The following LCOR variants were observed in gnomAD, a reference collection of about 807,000 sequenced individuals.
LCOR encodes ligand-dependent corepressor.
In LCOR, 14 loss-of-function variants were observed where a neutral mutation model predicts 64.4. The observed-to-expected ratio is 0.22, with a 90% confidence interval of 0.14 to 0.34. LCOR has a LOEUF of 0.34. LCOR is among the 10% of genes least tolerant of loss of function. The pLI, the probability that LCOR is intolerant of heterozygous loss-of-function variation, is 1.00. For synonymous variants in LCOR, 643 were observed against 642.5 expected (o/e 1.00, Z -0.01); for missense variants, 1,686 against 1,765.3 (o/e 0.96, Z 0.80).
intron 7 of LCOR, chr10:96,960,076 T>G (rs1333788510): frequency 6.6e-6 from 1 of 152,324 alleles, no homozygotes. Flanking sequence ...AGAAGTTTAG[T>G]TCCCAAGTTT....
intron 2 of LCOR, among the ~76,000 whole-genome samples, chr10:96,834,115 T>G (rs1845398695): frequency 6.6e-6 from 1 of 152,226 alleles, no homozygotes; most frequent in South Asian, 2.1e-4. Context: ...TTAAAGAATA[T>G]ACGCCTTTCC....
Position 96,882,300 on chromosome 10 carries a change from G to A in LCOR, c.-329-24965G>A, listed in dbSNP as rs575592818. ...GCATATGTTATTTTGGTTGAAGTATGTCACGAAAATCCAGCCTGATACAGA... is the reference window on the plus strand; with the variant it reads ...GCATATGTTATTTTGGTTGAAGTATATCACGAAAATCCAGCCTGATACAGA... On this transcript the variant is annotated intron_variant, in intron 2 of 7. Transcript: ENST00000421806. Among the ~76,000 whole-genome samples, 4 of 152,310 alleles carry A rather than the reference G, an allele frequency of 2.6e-5. No homozygotes were observed. In the South Asian group the frequency reaches 8.3e-4, roughly 32 times the overall value.
At chr10:96,944,318 T>G (rs1409556203) in intron 5 of LCOR, 73 bp downstream of exon 5, 2 of 833,386 alleles carry the variant, frequency 2.4e-6, no homozygotes, top group Non-Finnish European at 2.9e-6. Flanking sequence ...TCATTGTCAT[T>G]TTTAAAGTTA....
chr10:96,868,278 CT>C (rs528398644), intron 2 of LCOR, among the ~76,000 whole-genome samples: 316 of 136,552 alleles, frequency 2.3e-3, no homozygotes, highest in African/African-American at 3.6e-3. Flanking sequence ...CTTTTCTTTT[CT>C]TTTTTTTTTT....
intron 7 of LCOR, chr10:96,957,401 G>A: frequency 2.0e-6 from 2 of 985,142 alleles, no homozygotes; most frequent in Non-Finnish European, 2.4e-6. Context: ...ATTTTCTGCG[G>A]TTTTTGCAAG....
chr10:96,846,938 G>C (rs1845639514), intron 2 of LCOR, among the ~76,000 whole-genome samples: 1 of 152,154 alleles, frequency 6.6e-6, no homozygotes, highest in African/African-American at 2.4e-5. Context: ...AGGTATGTAA[G>C]TGGATAAATG....
chr10:96,940,232 A>G (rs1354294584), intron 4 of LCOR, among the ~76,000 whole-genome samples: 3 of 151,838 alleles, frequency 2.0e-5, no homozygotes, highest in African/African-American at 7.3e-5. Context: ...AGCTTTCCTC[A>G]AAATAGTTAA....
At chr10:96,838,062 A>G (rs1355721644) in intron 2 of LCOR, among the ~76,000 whole-genome samples, 1 of 152,216 alleles carries the variant, frequency 6.6e-6, no homozygotes, top group Non-Finnish European at 1.5e-5. Flanking sequence ...ACTATTCTAT[A>G]CACTTGCACA....
rs375761540 is a variant in LCOR at position 96,910,973 on chromosome 10, T to G, written c.-184+3226T>G. 2.6e-5 allele frequency among the ~76,000 whole-genome samples: 4 copies of G among 152,326 alleles called. No individual in the cohort carries two copies. In the East Asian group the frequency reaches 5.8e-4, roughly 22 times the overall value. Reference sequence around the variant, plus strand: ...GTAGAACAGGGATTCACCTAGAGATTAGTAAAAATTTTTGAACTGCACTTC... The same window carrying G: ...GTAGAACAGGGATTCACCTAGAGATGAGTAAAAATTTTTGAACTGCACTTC... On this transcript the variant is annotated intron_variant, in intron 4 of 7. Coordinates refer to ENST00000421806, the MANE Select transcript of LCOR (RefSeq NM_001346516.2).
chr10:96,942,478 C>T (rs955180602), intron 4 of LCOR, among the ~76,000 whole-genome samples: 3 of 83,324 alleles, frequency 3.6e-5, no homozygotes, highest in East Asian at 3.9e-4. Context: ...GGAGAGGGAG[C>T]GGTCATGATT....
intron 2 of LCOR, among the ~76,000 whole-genome samples, chr10:96,849,410 A>G (rs912643818): frequency 2.0e-5 from 3 of 151,968 alleles, no homozygotes; most frequent in Non-Finnish European, 4.4e-5. Flanking sequence ...GGTTTTTGCC[A>G]TGTCACCCAG....
chr10:96,911,093 C>CTTTTTT (rs71007308), intron 4 of LCOR, among the ~76,000 whole-genome samples: 2 of 114,170 alleles, frequency 1.8e-5, no homozygotes, highest in African/African-American at 3.6e-5. Context: ...TACATGTTCC[C>CTTTTTT]TTTTTTTTTT....
intron 2 of LCOR, among the ~76,000 whole-genome samples, chr10:96,887,259 A>C (rs1329934177): frequency 6.6e-6 from 1 of 152,142 alleles, no homozygotes; most frequent in Non-Finnish European, 1.5e-5. Flanking sequence ...GAATGCCCAC[A>C]ATGAAACAGT....
At chr10:96,895,554 A>G (rs1846522304) in intron 2 of LCOR, among the ~76,000 whole-genome samples, 1 of 152,234 alleles carries the variant, frequency 6.6e-6, no homozygotes, top group South Asian at 2.1e-4. Context: ...CTACCCAGAT[A>G]TAAAACTTAA....
chr10:96,981,922 A>G lies in LCOR; in HGVS notation c.1462A>G (p.Lys488Glu). The change falls in exon 8 of 8, where the codon AAA (lysine) becomes GAA (glutamate). Residue 488 changes from lysine (K) to glutamate (E), a missense_variant. Lys to Glu is a moderately conservative substitution (Grantham distance 56, BLOSUM62 1). Coordinates refer to ENST00000421806, the MANE Select transcript of LCOR (RefSeq NM_001346516.2). Reference protein sequence around the residue: ...PITECHFENQKSILSSRKTAR... With the variant: ...PITECHFENQESILSSRKTAR... ...AACAGAATGCCACTTTGAGAATCAAAAATCAATATTATCTTCTCGGAAAAC... is the reference window on the plus strand; with the variant it reads ...AACAGAATGCCACTTTGAGAATCAAGAATCAATATTATCTTCTCGGAAAAC... 2 of 1,614,226 alleles carry G rather than the reference A, an allele frequency of 1.2e-6. No individual in the cohort carries two copies. Among genetic ancestry groups the G allele is most frequent in the South Asian group, 2.2e-5 (2 of 91,088 alleles).
intron 2 of LCOR, among the ~76,000 whole-genome samples, chr10:96,864,290 G>A (rs1041213740): frequency 1.3e-5 from 2 of 152,188 alleles, no homozygotes; most frequent in Admixed American, 1.3e-4. Context: ...CTCAAGTAAT[G>A]ACTCATAGAT....
At chr10:96,891,837 C>A (rs1325114631) in intron 2 of LCOR, among the ~76,000 whole-genome samples, 3 of 152,092 alleles carry the variant, frequency 2.0e-5, no homozygotes, top group Non-Finnish European at 4.4e-5. Flanking sequence ...GCCACCACAC[C>A]TAGCCTGTAG....
chr10:96,980,936 G>A lies in LCOR; in HGVS notation c.476G>A (p.Gly159Asp), dbSNP rs1204999567. The A allele has an allele frequency of 1.3e-5, 9 of 703,002 alleles. No individual in the cohort carries two copies. Among genetic ancestry groups the A allele is most frequent in the Non-Finnish European group, 2.3e-5 (9 of 385,006 alleles). The allele number at this position is 703,002 out of a possible 1,614,324, so 43.5% of individuals were successfully genotyped here. ...LNDLYTESQP[G>D]TEDLQPSDSG... ...GACCTGTACACTGAATCTCAACCAGGCACTGAGGACCTGCAGCCTTCTGAT... is the reference window on the plus strand; with the variant it reads ...GACCTGTACACTGAATCTCAACCAGACACTGAGGACCTGCAGCCTTCTGAT... The change falls in exon 8 of 8, where the codon GGC (glycine) becomes GAC (aspartate). Residue 159 changes from glycine to aspartate, a missense_variant. Coordinates refer to ENST00000421806, the MANE Select transcript of LCOR (RefSeq NM_001346516.2).
intron 2 of LCOR, among the ~76,000 whole-genome samples, chr10:96,901,842 T>A (rs1846643622): frequency 6.6e-6 from 1 of 152,174 alleles, no homozygotes; most frequent in African/African-American, 2.4e-5. Flanking sequence ...CAATCTCGGC[T>A]CACTGCACCT....
Sources: gnomAD v4.1 joint callset for allele counts (sites outside exome capture counted in the v4.1 genomes callset) on GRCh38, gnomAD v4.1.1 for gene constraint, MANE v1.5 for transcripts, NCBI Gene and HGNC (gene_info 2026-07-23, HGNC 2026-07-21) for gene names.